MPO: variants seen among roughly 807,000 people sequenced by gnomAD.
MPO encodes myeloperoxidase.
In MPO, 57 loss-of-function variants were observed where a neutral mutation model predicts 69.4. The ratio of observed to expected loss-of-function variants is 0.82; its 90% confidence interval spans 0.66 to 1.02. The LOEUF (loss-of-function observed/expected upper bound fraction) is 1.02, where lower values mean the gene tolerates loss of function less well. Among genes scored for constraint, MPO ranks in the 50% least tolerant of loss-of-function variants. The probability of loss-of-function intolerance (pLI) is 0.00; values close to 1 mark genes in which losing one functional copy is unlikely to be tolerated. For missense variants in MPO, 971 were observed against 1,014.1 expected, an observed-to-expected ratio of 0.96 and a Z score of 0.58; for synonymous variants, 426 against 417.1, an observed-to-expected ratio of 1.02 and a Z score of -0.26.
rs780053814 is a variant in MPO at position 58,270,876 on chromosome 17, C to T, written c.2031-13G>A. The T allele has an allele frequency of 6.2e-7, 1 of 1,612,056 alleles. No individual in the cohort carries two copies. Among genetic ancestry groups the T allele is most frequent in the East Asian group, 2.2e-5 (1 of 44,876 alleles). ...CTCCCACCAAAACCTGCATGGGGAA[C>T]ACCCATGGACACTGTGCCCAAGGAT... On this transcript the variant is annotated splice_polypyrimidine_tract_variant and intron_variant, in intron 11 of 11. Transcript: ENST00000225275. This position sits in a 1 kb window ranked among gnomAD's most constrained non-coding sequence, Gnocchi z 4.1.
In MPO at chr17:58,269,986, A is replaced by T. The variant is rs1970347110; in HGVS notation, c.*670T>A. Reference sequence around the variant, plus strand: ...TAAGCAAGAAATCAGGGTGAGGAAGAAAAAGGGGAGCCATGGCCTGAGCCT... The same window carrying T: ...TAAGCAAGAAATCAGGGTGAGGAAGTAAAAGGGGAGCCATGGCCTGAGCCT... On this transcript the variant is annotated 3_prime_UTR_variant, in exon 12 of 12. Coordinates refer to ENST00000225275, the MANE Select transcript of MPO (RefSeq NM_000250.2). The T allele has an allele frequency of 6.5e-6, 1 of 154,546 alleles. No homozygotes were observed. Among genetic ancestry groups the T allele is most frequent in the African/African-American group, 2.4e-5 (1 of 41,474 alleles). 9.6% of individuals were successfully genotyped at this position (154,546 alleles called of 1,614,324 possible).
Position 58,280,787 on chromosome 17 carries a change from C to G in MPO, c.-29G>C. 1 of 1,613,470 alleles carries G rather than the reference C, an allele frequency of 6.2e-7. No individual in the cohort carries two copies. Among genetic ancestry groups the G allele is most frequent in the Non-Finnish European group, 8.5e-7 (1 of 1,179,734 alleles). Reference sequence around the variant, plus strand: ...TCTTCTCCTGGGCTGCTCAATCCCCCTTTGTACCTCAGCCCCACCTCAGAG... The same window carrying G: ...TCTTCTCCTGGGCTGCTCAATCCCCGTTTGTACCTCAGCCCCACCTCAGAG... On this transcript the variant is annotated 5_prime_UTR_variant, in exon 1 of 12. Transcript: ENST00000225275.
In MPO at chr17:58,279,346, G is replaced by T; in HGVS notation, c.629C>A (p.Pro210His). The T allele has an allele frequency of 6.3e-7, 1 of 1,583,694 alleles. No homozygotes were observed. The highest frequency in any genetic ancestry group is 2.3e-5 in the East Asian group (1 of 43,536). The part of the protein sequence containing the change: ...PAEYEDGFSL[P>H]YGWTPGVKRN... ...CTTGACCCCGGGCGTCCAGCCGTAG[G>T]GAAGAGAGAAGCCGTCCTCATACTC... The change falls in exon 5 of 12, where the codon CCC becomes CAC. Residue 210 changes from proline (P) to histidine (H), a missense_variant. Pro to His is a moderately conservative substitution (Grantham distance 77). Coordinates refer to ENST00000225275, the MANE Select transcript of MPO (RefSeq NM_000250.2).
intron 7 of MPO, among the ~76,000 whole-genome samples, chr17:58,276,368 A>G (rs932408943): frequency 6.6e-6 from 1 of 152,196 alleles, no homozygotes; most frequent in Non-Finnish European, 1.5e-5. Flanking sequence ...GGGCTAGGAC[A>G]TGAGATATGT....
rs984364524 is a variant in MPO, at chr17:58,270,596, C to T, written c.*60G>A. On this transcript the variant is annotated 3_prime_UTR_variant, in exon 12 of 12. Coordinates refer to ENST00000225275, the MANE Select transcript of MPO (RefSeq NM_000250.2). This position sits in a 1 kb window ranked among gnomAD's most constrained non-coding sequence, Gnocchi z 4.1. ...GGCTCATCTAGGGCAAGGAGATCTC[C>T]GTGGTTCCAACTGGCCAGCCCAGAT... The T allele has an allele frequency of 1.6e-5, 23 of 1,401,274 alleles. No individual in the cohort carries two copies. The highest frequency in any genetic ancestry group is 1.0e-4 in the African/African-American group (7 of 70,100). The allele number at this position is 1,401,274 out of a possible 1,614,324, so 86.8% of individuals were successfully genotyped here.
Position 58,275,376 on chromosome 17 carries a change from C to A in MPO, c.1365+166G>T, listed in dbSNP as rs1248533012. ...GGGAAGGGAAGGAGGCTTTGTCAAG[C>A]ACTTACTATCTGAAAGGTGTTTTCA... On this transcript the variant is annotated intron_variant, in intron 8 of 11. Transcript: ENST00000225275. This position sits in a 1 kb window ranked among gnomAD's most constrained non-coding sequence, Gnocchi z 4.1. Among the ~76,000 whole-genome samples the A allele has an allele frequency of 1.3e-5, 2 of 152,206 alleles. No individual in the cohort carries two copies. The highest frequency in any genetic ancestry group is 2.4e-5 in the African/African-American group (1 of 41,446).
At chr17:58,276,589 G>A (rs543773121) in intron 7 of MPO, among the ~76,000 whole-genome samples, 5 of 152,202 alleles carry the variant, frequency 3.3e-5, no homozygotes, top group Non-Finnish European at 7.4e-5. Flanking sequence ...CCCAGGCTTG[G>A]GACATGGGGC....
At position 58,277,814 on chromosome 17, in the gene MPO, C is replaced by G. The variant is rs369427300; in HGVS notation, c.1204+13G>C. 61 of 1,600,322 alleles carry G rather than the reference C, an allele frequency of 3.8e-5. No individual in the cohort carries two copies. The African/African-American group carries it at 7.7e-4, about 20-fold the overall frequency. The stretch of plus-strand genomic sequence containing the variant: ...TCTCCTATGCCACCTCTGGTCCCCA[C>G]CCCAAAGCTGACCTGCCAGGAAGCA... On this transcript the variant is annotated intron_variant, in intron 7 of 11. Coordinates refer to ENST00000225275, the MANE Select transcript of MPO (RefSeq NM_000250.2).
Position 58,270,794 on chromosome 17 carries a change from G to A in MPO, c.2100C>T (p.Pro700=). ...TGCCTGTGTTGTCGCAGATGATCCG[G>A]GGCAATGAGATCTGGGCCAGGGCCT... The part of the protein sequence containing the change: ...QRQALAQISL[P]RIICDNTGIT... The change falls in exon 12 of 12, where the codon CCC becomes CCT. Residue 700 remains proline (P), a synonymous_variant. Coordinates refer to ENST00000225275, the MANE Select transcript of MPO (RefSeq NM_000250.2). The surrounding 1 kb of genome is among the most constrained non-coding windows in gnomAD (Gnocchi z 4.1). 6.2e-7 allele frequency: 1 copy of A among 1,614,076 alleles called. No individual in the cohort carries two copies. Among genetic ancestry groups the A allele is most frequent in the Non-Finnish European group, 8.5e-7 (1 of 1,179,970 alleles).
Position 58,275,811 on chromosome 17 carries a change from C to G in MPO, c.1205-109G>C, listed in dbSNP as rs1418455588. ...GGCCTGAAATGCCTCCTACTCACCCCTCCTCCCCATCCATCTTTTCAAACT... is the reference window on the plus strand; with the variant it reads ...GGCCTGAAATGCCTCCTACTCACCCGTCCTCCCCATCCATCTTTTCAAACT... On this transcript the variant is annotated intron_variant, in intron 7 of 11. Coordinates refer to ENST00000225275, the MANE Select transcript of MPO (RefSeq NM_000250.2). This position sits in a 1 kb window ranked among gnomAD's most constrained non-coding sequence, Gnocchi z 4.1. 6 of 1,303,526 alleles carry G rather than the reference C, an allele frequency of 4.6e-6. No homozygotes were observed. Among genetic ancestry groups the G allele is most frequent in the Non-Finnish European group, 6.5e-6 (6 of 924,338 alleles). 80.7% of individuals were successfully genotyped at this position (1,303,526 alleles called of 1,614,324 possible). A position where few individuals can be genotyped will look rare whatever the true frequency, so the allele number is the denominator to read the frequency against.
intron 8 of MPO, among the ~76,000 whole-genome samples, chr17:58,274,586 G>A (rs1048048152): frequency 1.3e-5 from 2 of 152,042 alleles, no homozygotes; most frequent in African/African-American, 2.4e-5. Flanking sequence ...TTGGGAGGTC[G>A]AGGAGGGCGG....
chr17:58,270,595 C>G lies in MPO; in HGVS notation c.*61G>C. On this transcript the variant is annotated 3_prime_UTR_variant, in exon 12 of 12. Coordinates refer to ENST00000225275, the MANE Select transcript of MPO (RefSeq NM_000250.2). This position sits in a 1 kb window ranked among gnomAD's most constrained non-coding sequence, Gnocchi z 4.1. ...GGGCTCATCTAGGGCAAGGAGATCT[C>G]CGTGGTTCCAACTGGCCAGCCCAGA... 2 of 1,389,894 alleles carry G rather than the reference C, an allele frequency of 1.4e-6. No homozygotes were observed. The highest frequency in any genetic ancestry group is 2.0e-6 in the Non-Finnish European group (2 of 999,326). The allele number at this position is 1,389,894 out of a possible 1,614,324, so 86.1% of individuals were successfully genotyped here. A position where few individuals can be genotyped will look rare whatever the true frequency, so the allele number is the denominator to read the frequency against.
chr17:58,270,214 G>A lies in MPO; in HGVS notation c.*442C>T. ...ATGAAGAACCAGAGGATACAAGTGG[G>A]CCCTCCAAGAAACCATGACAGATGT... On this transcript the variant is annotated 3_prime_UTR_variant, in exon 12 of 12. Coordinates refer to ENST00000225275, the MANE Select transcript of MPO (RefSeq NM_000250.2). This position sits in a 1 kb window ranked among gnomAD's most constrained non-coding sequence, Gnocchi z 4.1. 3.2e-6 allele frequency: 1 copy of A among 309,792 alleles called. No individual in the cohort carries two copies. The highest frequency in any genetic ancestry group is 6.3e-6 in the Non-Finnish European group (1 of 158,782). 19.2% of individuals were successfully genotyped at this position (309,792 alleles called of 1,614,324 possible).
chr17:58,272,073 C>G (rs560984390), intron 10 of MPO, among the ~76,000 whole-genome samples, 181 bp from the exon 11 acceptor site: 1 of 152,318 alleles, frequency 6.6e-6, no homozygotes, highest in African/African-American at 2.4e-5. Context: ...GTACCTTTGG[C>G]TTAGACCAAG....
Position 58,277,347 on chromosome 17 carries a change from G to A in MPO, c.1204+480C>T, listed in dbSNP as rs998310572. On this transcript the variant is annotated intron_variant, in intron 7 of 11. Coordinates refer to ENST00000225275, the MANE Select transcript of MPO (RefSeq NM_000250.2). The stretch of plus-strand genomic sequence containing the variant: ...AGCCACTAGACTGTAAGGCAATTGA[G>A]CATTTGAAATGTGGTTAGCACCGCT... Among the ~76,000 whole-genome samples the A allele has an allele frequency of 3.0e-4, 46 of 152,180 alleles. 1 individual carries two copies. The highest frequency in any genetic ancestry group is 5.9e-5 in the Non-Finnish European group (4 of 68,032).
At position 58,280,735 on chromosome 17, in the gene MPO, A is replaced by T; in HGVS notation, c.24T>A (p.Ser8=). 6.2e-7 allele frequency: 1 copy of T among 1,614,198 alleles called. No individual in the cohort carries two copies. Among genetic ancestry groups the T allele is most frequent in the Non-Finnish European group, 8.5e-7 (1 of 1,180,010 alleles). ...GTCCTAAGTCCACCATGCATCTGAG[A>T]GAAGAGAAGAAGGGAACCCCCATCT... The part of the protein sequence containing the change: MGVPFFS[S]LRCMVDLGPC... Residue 8 remains serine (S), a synonymous_variant, in exon 1 of 12, where the codon TCT becomes TCA. Coordinates refer to ENST00000225275, the MANE Select transcript of MPO (RefSeq NM_000250.2).
At chr17:58,274,786 C>T (rs1260643267) in intron 8 of MPO, among the ~76,000 whole-genome samples, 1 of 151,854 alleles carries the variant, frequency 6.6e-6, no homozygotes, top group African/African-American at 2.4e-5. Flanking sequence ...CACCACTGCA[C>T]TCCAGCCTGG....
At position 58,275,481 on chromosome 17, in the gene MPO, C is replaced by T; in HGVS notation, c.1365+61G>A. ...CGTTAGGAACTTGCCCAAGGTCACA[C>T]AGCTAGGATGTTGCAGGGACACATC... On this transcript the variant is annotated intron_variant, in intron 8 of 11. Transcript: ENST00000225275. The surrounding 1 kb of genome is among the most constrained non-coding windows in gnomAD (Gnocchi z 4.1). 2 of 1,610,276 alleles carry T rather than the reference C, an allele frequency of 1.2e-6. No homozygotes were observed. Among genetic ancestry groups the T allele is most frequent in the Non-Finnish European group, 1.7e-6 (2 of 1,177,092 alleles).
chr17:58,270,735 G>C lies in MPO; in HGVS notation c.2159C>G (p.Ser720Cys). ...GACAAAGTCCCGGGGATATGAGTTGGACATGAAGATGTTGTTCTTAGACAC... is the reference window on the plus strand; with the variant it reads ...GACAAAGTCCCGGGGATATGAGTTGCACATGAAGATGTTGTTCTTAGACAC... ...TTVSKNNIFM[S>C]NSYPRDFVNC... is the part of the protein sequence containing the mutation. Residue 720 changes from serine to cysteine, a missense_variant, in exon 12 of 12, where the codon TCC (serine) becomes TGC (cysteine). By Grantham distance (112) the Ser-to-Cys change is moderately radical. Coordinates refer to ENST00000225275, the MANE Select transcript of MPO (RefSeq NM_000250.2). This position sits in a 1 kb window ranked among gnomAD's most constrained non-coding sequence, Gnocchi z 4.1. The C allele has an allele frequency of 6.2e-7, 1 of 1,614,166 alleles. No homozygotes were observed. The highest frequency in any genetic ancestry group is 1.1e-5 in the South Asian group (1 of 91,070).
Sources: gnomAD v4.1 joint callset for allele counts (sites outside exome capture counted in the v4.1 genomes callset) on GRCh38, gnomAD v4.1.1 for gene constraint, Gnocchi (gnomAD v3.1) non-coding constraint, MANE v1.5 for transcripts, NCBI Gene and HGNC (gene_info 2026-07-23, HGNC 2026-07-21) for gene names.